Variants in FAAH2 observed in about 807,000 individuals in gnomAD.
The protein encoded by FAAH2 is fatty-acid amide hydrolase 2.
FAAH2 carries 60 observed loss-of-function variants against 36.9 expected under a neutral mutation model. That is an observed-to-expected ratio of 1.63 (90% confidence interval 1.32 to 2.02). The LOEUF is 2.02. Among genes scored for constraint, FAAH2 ranks in the 30% most tolerant of loss-of-function variants. FAAH2 has a pLI of 0.00. For synonymous variants in FAAH2, 214 were observed against 143.8 expected, an observed-to-expected ratio of 1.49 and a Z score of -3.49; for missense variants, 689 against 397.5, an observed-to-expected ratio of 1.73 and a Z score of -6.23.
chrX:57,169,355 C>A, the FAAH2 span, among the ~76,000 whole-genome samples: 3 of 99,935 alleles, frequency 3.0e-5, no homozygotes, highest in Admixed American at 1.1e-4. Context: ...CTAAAAATTG[C>A]CCTATGATTC....
intron 7 of FAAH2, among the ~76,000 whole-genome samples, chrX:57,427,121 T>C (rs1319506205): frequency 1.8e-5 from 2 of 110,753 alleles, no homozygotes; most frequent in African/African-American, 6.5e-5. Context: ...TCTATGCTAA[T>C]AAGCAAGAAA....
intron 10 of FAAH2, among the ~76,000 whole-genome samples, chrX:57,477,705 G>T: frequency 9.8e-6 from 1 of 101,592 alleles, no homozygotes. Context: ...TGTTCTCATT[G>T]TTCCATTCCC....
intron 8 of FAAH2, among the ~76,000 whole-genome samples, chrX:57,445,657 C>A (rs1380993199): frequency 8.9e-6 from 1 of 111,921 alleles, no homozygotes; most frequent in African/African-American, 3.2e-5. Flanking sequence ...CTTCAGGAAT[C>A]TCCTTGTTGC....
At chrX:57,309,342 A>G (rs2052627571) in intron 2 of FAAH2, among the ~76,000 whole-genome samples, 1 of 112,363 alleles carries the variant, frequency 8.9e-6, no homozygotes, top group Non-Finnish European at 1.9e-5. Context: ...CGATTTTCAC[A>G]TGATTGAGGT....
chrX:57,417,130 CTCTT>C (rs2055866123), intron 7 of FAAH2, among the ~76,000 whole-genome samples: 1 of 111,464 alleles, frequency 9.0e-6, no homozygotes, highest in Non-Finnish European at 1.9e-5. Context: ...CAATTCCTCT[CTCTT>C]TCAAGGTTCT....
chrX:57,470,094 A>C (rs1213742521), intron 10 of FAAH2, among the ~76,000 whole-genome samples: 1 of 111,906 alleles, frequency 8.9e-6, no homozygotes, highest in Non-Finnish European at 1.9e-5. Flanking sequence ...GGACACATTT[A>C]AAGCAGTGTG....
At chrX:57,188,291 AG>A in the FAAH2 span, among the ~76,000 whole-genome samples, 1 of 110,902 alleles carries the variant, frequency 9.0e-6, no homozygotes, top group Middle Eastern at 4.7e-3. Context: ...TAGTCTTGGG[AG>A]GGTGTATGCA....
the FAAH2 span, among the ~76,000 whole-genome samples, chrX:57,169,769 T>C: frequency 1.9e-5 from 2 of 103,577 alleles, no homozygotes; most frequent in Middle Eastern, 4.4e-3. Flanking sequence ...TCTGTGGGAA[T>C]TTTTATCCAG....
the FAAH2 span, among the ~76,000 whole-genome samples, chrX:57,260,516 A>T: frequency 8.9e-6 from 1 of 112,078 alleles, no homozygotes; most frequent in Non-Finnish European, 1.9e-5. Flanking sequence ...CTTAAACAGA[A>T]CAAAATTAAG....
At chrX:57,371,952 C>A (rs2054563408) in intron 5 of FAAH2, among the ~76,000 whole-genome samples, 1 of 111,761 alleles carries the variant, frequency 8.9e-6, no homozygotes, top group Non-Finnish European at 1.9e-5. Flanking sequence ...CCTCAGGCTG[C>A]ATTAATGTTG....
rs368294387 is a variant in FAAH2 at position 57,350,858 on chromosome X, C to A, written c.742+9468C>A. Among the ~76,000 whole-genome samples the A allele has an allele frequency of 3.9e-3, 432 of 110,967 alleles. 2 individuals carry two copies. The highest frequency in any genetic ancestry group is 0.014 in the African/African-American group (416 of 30,741). On this transcript the variant is annotated intron_variant, in intron 5 of 10. Transcript: ENST00000374900. ...TCCAAATTGATAAATATCACTAGAC[C>A]AAAAGAGGAGATAGATTGCAATACA...
At chrX:57,432,990 T>C (rs951832623) in intron 8 of FAAH2, among the ~76,000 whole-genome samples, 8 of 109,654 alleles carry the variant, frequency 7.3e-5, no homozygotes, top group Non-Finnish European at 1.2e-4. Context: ...AAAGTCACTT[T>C]TAAAATTTTT....
At chrX:57,231,332 T>G in the FAAH2 span, among the ~76,000 whole-genome samples, 1 of 110,519 alleles carries the variant, frequency 9.0e-6, no homozygotes, top group Non-Finnish European at 1.9e-5. Context: ...GTACAGATCT[T>G]CCTCTCACGC....
At chrX:57,231,735 G>A in the FAAH2 span, among the ~76,000 whole-genome samples, 1 of 111,759 alleles carries the variant, frequency 8.9e-6, no homozygotes, top group African/African-American at 3.2e-5. Flanking sequence ...AAGCATTCTG[G>A]CTCAACAGTC....
At chrX:57,331,500 T>A in intron 3 of FAAH2, 98 bp from the exon 4 acceptor site, 2 of 657,125 alleles carry the variant, frequency 3.0e-6, no homozygotes, top group Non-Finnish European at 4.6e-6. Flanking sequence ...TGGGAGATGT[T>A]CCTTCTGGCT....
At chrX:57,286,548 G>T (rs1260075877), upstream of FAAH2, among the ~76,000 whole-genome samples, 5 of 111,207 alleles carry the variant, frequency 4.5e-5, no homozygotes, top group Non-Finnish European at 9.4e-5. Flanking sequence ...GAATTCCAAG[G>T]CCAGTGTTCT....
At chrX:57,125,121 G>A in the FAAH2 span, among the ~76,000 whole-genome samples, 1 of 112,597 alleles carries the variant, frequency 8.9e-6, no homozygotes, top group Non-Finnish European at 1.9e-5. Flanking sequence ...TGCCCATTCA[G>A]TATGATATTG....
At chrX:57,154,427 C>T in the FAAH2 span, among the ~76,000 whole-genome samples, 140 of 106,998 alleles carry the variant, frequency 1.3e-3, no homozygotes, top group African/African-American at 4.4e-3. Flanking sequence ...CCATGCCTGG[C>T]GATTTTTTTT....
At chrX:57,138,622 T>C in the FAAH2 span, among the ~76,000 whole-genome samples, 2 of 111,239 alleles carry the variant, frequency 1.8e-5, no homozygotes, top group African/African-American at 6.5e-5. Context: ...GTTTTAGTTT[T>C]TGGAGGAACT....
Sources: allele counts gnomAD v4.1 joint callset (sites outside exome capture counted in the v4.1 genomes callset), GRCh38; gene constraint gnomAD v4.1.1; transcripts MANE v1.5; gene names NCBI Gene and HGNC (gene_info 2026-07-23, HGNC 2026-07-21).